TTC28: variants seen among roughly 807,000 people sequenced by gnomAD.
The protein encoded by TTC28 is tetratricopeptide repeat protein 28.
A neutral mutation model predicts 198.0 loss-of-function variants in TTC28; 61 were observed. The observed-to-expected ratio is 0.31, with a 90% CI of 0.25 to 0.38. The LOEUF (loss-of-function observed/expected upper bound fraction) is 0.38, where lower values mean the gene tolerates loss of function less well. TTC28 is among the 10% of genes least tolerant of loss of function. The pLI is 1.00. For missense variants in TTC28, 2,678 were observed against 3,164.0 expected (o/e 0.85, Z 3.69); for synonymous variants, 1,171 against 1,297.8 (o/e 0.90, Z 2.10).
intron 12 of TTC28, among the ~76,000 whole-genome samples, chr22:28,069,029 A>G (rs911778513): frequency 2.0e-5 from 3 of 152,172 alleles, no homozygotes; most frequent in African/African-American, 7.2e-5. Flanking sequence ...GGGAATACCC[A>G]GTACTCAGAG....
chr22:28,650,516 G>C (rs958377077), intron 1 of TTC28, among the ~76,000 whole-genome samples: 2 of 152,008 alleles, frequency 1.3e-5, no homozygotes, highest in Non-Finnish European at 2.9e-5. Flanking sequence ...CTAGAATCAG[G>C]GATAAGCTAT....
chr22:28,399,365 G>A (rs978899286), intron 2 of TTC28, among the ~76,000 whole-genome samples: 1 of 142,146 alleles, frequency 7.0e-6, no homozygotes, highest in African/African-American at 2.6e-5. Flanking sequence ...CACATAGGCT[G>A]GAGTGCAGTG....
intron 2 of TTC28, among the ~76,000 whole-genome samples, chr22:28,452,104 G>A (rs1031652121): frequency 2.0e-5 from 3 of 151,986 alleles, no homozygotes; most frequent in Admixed American, 6.6e-5. Flanking sequence ...AACCAAAAGA[G>A]GCTGGCCAGG....
At chr22:28,148,772 A>G (rs1949993603) in intron 6 of TTC28, among the ~76,000 whole-genome samples, 1 of 152,180 alleles carries the variant, frequency 6.6e-6, no homozygotes, top group Non-Finnish European at 1.5e-5. Flanking sequence ...AGAAATTGCC[A>G]TTGCTCCCAG....
chr22:28,038,218 C>T (rs1939446511), intron 12 of TTC28, among the ~76,000 whole-genome samples: 1 of 152,148 alleles, frequency 6.6e-6, no homozygotes, highest in African/African-American at 2.4e-5. Flanking sequence ...CAAGTCAATC[C>T]TAAGCCAAAA....
rs1189445925 is a variant in TTC28, at chr22:27,982,195, CAG to C, written c.*24_*25del. ...GCCAGGCCCCCATCTGCAGGCTGCT[CAG>C]AGTCAGTGGGTATAAAAGATGCTTT... On this transcript the variant is annotated 3_prime_UTR_variant, in exon 23 of 23. Transcript: ENST00000397906. The surrounding 1 kb of genome is among the most constrained non-coding windows in gnomAD (Gnocchi z 5.2). 4.8e-6 allele frequency: 7 copies of C among 1,457,538 alleles called. No homozygotes were observed. Among genetic ancestry groups the C allele is most frequent in the South Asian group, 1.5e-5 (1 of 67,774 alleles). 90.3% of individuals were successfully genotyped at this position (1,457,538 alleles called of 1,614,324 possible). A position where few individuals can be genotyped will look rare whatever the true frequency, so the allele number is the denominator to read the frequency against.
In TTC28 at chr22:28,244,488, C is replaced by G. The variant is rs117233597; in HGVS notation, c.933+51710G>C. Among the ~76,000 whole-genome samples, 562 of 152,248 alleles carry G rather than the reference C, an allele frequency of 3.7e-3. 10 individuals are homozygous for G. In the East Asian group the frequency reaches 0.053, roughly 14 times the overall value. On this transcript the variant is annotated intron_variant, in intron 5 of 22. Coordinates refer to ENST00000397906, the MANE Select transcript of TTC28 (RefSeq NM_001145418.2). Reference sequence around the variant, plus strand: ...TTCAACTATATAGAAGGAAAAAACTCAAGAAAACACACTGCTATATCTAAA... The same window carrying G: ...TTCAACTATATAGAAGGAAAAAACTGAAGAAAACACACTGCTATATCTAAA...
chr22:28,259,706 T>C (rs1335848955), intron 5 of TTC28, among the ~76,000 whole-genome samples: 1 of 152,104 alleles, frequency 6.6e-6, no homozygotes, highest in African/African-American at 2.4e-5. Flanking sequence ...GCTAGCCACA[T>C]TTATGTATGA....
chr22:28,088,224 A>G (rs570756480), intron 12 of TTC28, among the ~76,000 whole-genome samples: 6 of 152,296 alleles, frequency 3.9e-5, no homozygotes, highest in Non-Finnish European at 8.8e-5. Context: ...AAGCCAAAAG[A>G]GCAAAGCTGG....
intron 2 of TTC28, among the ~76,000 whole-genome samples, chr22:28,626,324 A>T (rs2051076106): frequency 6.6e-6 from 1 of 152,138 alleles, no homozygotes; most frequent in Admixed American, 6.5e-5. Context: ...AAAATTCTCC[A>T]TCTAGTCTCT....
chr22:28,178,252 C>T (rs892948915), intron 5 of TTC28, among the ~76,000 whole-genome samples: 3 of 145,892 alleles, frequency 2.1e-5, no homozygotes, highest in Non-Finnish European at 3.0e-5. Context: ...GTCAGGAGTT[C>T]GAGACTAGCC....
chr22:28,361,819 C>T (rs1389058014), intron 2 of TTC28, among the ~76,000 whole-genome samples: 1 of 152,166 alleles, frequency 6.6e-6, no homozygotes, highest in Non-Finnish European at 1.5e-5. Context: ...TTTTATTCAC[C>T]ATTCTGAAAA....
intron 12 of TTC28, among the ~76,000 whole-genome samples, chr22:28,084,615 C>G (rs1941493384): frequency 6.6e-6 from 1 of 152,138 alleles, no homozygotes; most frequent in Middle Eastern, 3.2e-3. Flanking sequence ...TCTCCTCCTC[C>G]AAAGAAACGC....
chr22:28,038,977 C>T (rs1217607628), intron 12 of TTC28, among the ~76,000 whole-genome samples: 1 of 152,194 alleles, frequency 6.6e-6, no homozygotes. Flanking sequence ...GAGATACCAT[C>T]TCACACCAGT....
At chr22:28,026,014 C>T (rs1176949801) in intron 13 of TTC28, among the ~76,000 whole-genome samples, 2 of 152,236 alleles carry the variant, frequency 1.3e-5, no homozygotes, top group Admixed American at 1.3e-4. Flanking sequence ...GTCCTGCTGA[C>T]ACTTTCTTCC....
In TTC28 at chr22:28,001,386, G is replaced by A. The variant is rs745889053; in HGVS notation, c.4386C>T (p.Ser1462=). The A allele has an allele frequency of 4.5e-6, 7 of 1,550,500 alleles. No homozygotes were observed. The highest frequency in any genetic ancestry group is 3.6e-5 in the South Asian group (3 of 84,046). Residue 1462 remains serine, a synonymous_variant, in exon 15 of 23, where the codon AGC becomes AGT. Transcript: ENST00000397906. ...GTGTGAGCCTTACCTTGGACTGCAC[G>A]CTGAGGGAGCGGATGGAAGGGACAG... The part of the protein sequence containing the change: ...LLAVPSIRSL[S]VQSKSHLRKN...
chr22:28,219,595 T>G (rs1417776722), intron 5 of TTC28, among the ~76,000 whole-genome samples: 1 of 152,064 alleles, frequency 6.6e-6, no homozygotes, highest in Non-Finnish European at 1.5e-5. Flanking sequence ...AAGTACTCAG[T>G]AGGTGTTCAC....
intron 2 of TTC28, among the ~76,000 whole-genome samples, chr22:28,457,654 TAATC>T (rs1190809857): frequency 2.0e-5 from 3 of 152,228 alleles, no homozygotes; most frequent in Admixed American, 6.5e-5. Context: ...TCTCACATAA[TAATC>T]AAATCAAATA....
At chr22:28,464,933 C>T (rs747916000) in intron 2 of TTC28, among the ~76,000 whole-genome samples, 11 of 152,172 alleles carry the variant, frequency 7.2e-5, no homozygotes. Context: ...CACGAAAGAA[C>T]TTGAAATGAC....
Sources: allele counts gnomAD v4.1 joint callset (sites outside exome capture counted in the v4.1 genomes callset), GRCh38; gene constraint gnomAD v4.1.1; non-coding constraint Gnocchi (gnomAD v3.1); transcripts MANE v1.5; gene names NCBI Gene and HGNC (gene_info 2026-07-23, HGNC 2026-07-21).